Variants in PCDHA1 observed in about 807,000 individuals in gnomAD.
The protein encoded by PCDHA1 is protocadherin alpha 1.
PCDHA1 carries 42 observed loss-of-function variants against 61.3 expected under a neutral mutation model. The ratio of observed to expected loss-of-function variants is 0.69; its 90% confidence interval spans 0.54 to 0.89. PCDHA1 has a LOEUF of 0.89. Among genes scored for constraint, PCDHA1 ranks in the 40% least tolerant of loss-of-function variants. PCDHA1 has a pLI of 0.00. For synonymous variants in PCDHA1, 610 were observed against 553.8 expected (o/e 1.10, Z -1.43); for missense variants, 1,256 against 1,235.3 (o/e 1.02, Z -0.25).
intron 1 of PCDHA1, among the ~76,000 whole-genome samples, chr5:140,959,126 G>A (rs1417334893): frequency 6.6e-6 from 1 of 152,066 alleles, no homozygotes; most frequent in Non-Finnish European, 1.5e-5. Context: ...GGCGAGGTGA[G>A]CCCACTTTGG....
chr5:140,943,737 C>T (rs551964655), intron 1 of PCDHA1, among the ~76,000 whole-genome samples: 12 of 152,258 alleles, frequency 7.9e-5, no homozygotes, highest in African/African-American at 2.9e-4. Context: ...TGAAAGTCCA[C>T]AGTCTAAAAG....
chr5:140,894,819 G>T (rs974558361), intron 1 of PCDHA1, among the ~76,000 whole-genome samples: 6 of 151,474 alleles, frequency 4.0e-5, no homozygotes, highest in African/African-American at 1.2e-4. Context: ...TATCAGATTT[G>T]CCCATAATCC....
chr5:140,808,422 C>A (rs147309851), intron 1 of PCDHA1: 5 of 1,614,150 alleles, frequency 3.1e-6, no homozygotes, highest in Non-Finnish European at 4.2e-6. Context: ...CTGGACAGTG[C>A]CCTGGACCGC....
intron 1 of PCDHA1, chr5:140,849,719 G>A (rs1386986772): frequency 6.3e-7 from 1 of 1,598,560 alleles, no homozygotes; most frequent in Non-Finnish European, 8.6e-7. Flanking sequence ...ACTCGTTGGT[G>A]CTGGACAGAG....
chr5:140,799,666 T>C (rs1762463829), intron 1 of PCDHA1, among the ~76,000 whole-genome samples: 1 of 152,118 alleles, frequency 6.6e-6, no homozygotes, highest in Admixed American at 6.5e-5. Context: ...AAAACAACAA[T>C]TGATAATTTA....
chr5:140,983,022 A>G (rs2097023004), intron 3 of PCDHA1, among the ~76,000 whole-genome samples: 1 of 152,114 alleles, frequency 6.6e-6, no homozygotes, highest in Non-Finnish European at 1.5e-5. Flanking sequence ...GGAAGGAAGG[A>G]AGATGGTTTC....
In PCDHA1 at chr5:140,808,934, T is replaced by G. The variant is rs1554124895; in HGVS notation, c.2394+20250T>G. The G allele has an allele frequency of 1.9e-5, 31 of 1,613,672 alleles. No homozygotes were observed. The African/African-American group carries it at 2.5e-4, about 13-fold the overall frequency. On this transcript the variant is annotated intron_variant, in intron 1 of 3. Coordinates refer to ENST00000504120, the MANE Select transcript of PCDHA1 (RefSeq NM_018900.4). Reference sequence around the variant, plus strand: ...TGGCGCAGTGAGCGAGCTGGTGCCATGGTCGGTGGGTGTGGGCCACGTGGT... The same window carrying G: ...TGGCGCAGTGAGCGAGCTGGTGCCAGGGTCGGTGGGTGTGGGCCACGTGGT...
Position 140,851,002 on chromosome 5 carries a change from A to T in PCDHA1, c.2394+62318A>T. The stretch of plus-strand genomic sequence containing the variant: ...TTATTCATTTTTCTAGAAATCCAGC[A>T]GATTTTTTTTCTGATAAAGTAAACC... On this transcript the variant is annotated intron_variant, in intron 1 of 3. Coordinates refer to ENST00000504120, the MANE Select transcript of PCDHA1 (RefSeq NM_018900.4). 3 of 1,438,338 alleles carry T rather than the reference A, an allele frequency of 2.1e-6. No homozygotes were observed. In the East Asian group the frequency reaches 7.2e-5, roughly 35 times the overall value. 89.1% of individuals were successfully genotyped at this position (1,438,338 alleles called of 1,614,324 possible).
chr5:140,937,317 G>C (rs1282380622), intron 1 of PCDHA1, among the ~76,000 whole-genome samples: 1 of 152,048 alleles, frequency 6.6e-6, no homozygotes, highest in Non-Finnish European at 1.5e-5. Context: ...GATTACAGGC[G>C]TGAGCCACCG....
chr5:140,812,603 G>T (rs1554126021), intron 1 of PCDHA1: 2 of 151,592 alleles, frequency 1.3e-5, no homozygotes, highest in African/African-American at 4.9e-5. Context: ...TTTAGTGTAG[G>T]CATTTACAAC....
At chr5:140,843,295 G>T in intron 1 of PCDHA1, 1 of 1,595,950 alleles carries the variant, frequency 6.3e-7, no homozygotes, top group African/African-American at 1.3e-5. Flanking sequence ...GTGAACCTGC[G>T]CTGACCGCCA....
At position 141,009,895 on chromosome 5, in the gene PCDHA1, A is replaced by G; in HGVS notation, c.2811A>G (p.Lys937=). ...AGAAGGGTAACAAGACCCAGGAGAA[A>G]AAAGAGAAAGGGAACAGCACGACTG... ...KKKKGNKTQE[K]KEKGNSTTDN... The change falls in exon 4 of 4, where the codon AAA becomes AAG. Residue 937 remains lysine (K), a synonymous_variant. Coordinates refer to ENST00000504120, the MANE Select transcript of PCDHA1 (RefSeq NM_018900.4). 2 of 1,613,224 alleles carry G rather than the reference A, an allele frequency of 1.2e-6. No homozygotes were observed. Among genetic ancestry groups the G allele is most frequent in the Non-Finnish European group, 1.7e-6 (2 of 1,179,866 alleles).
chr5:140,928,709 C>T (rs1563108337), intron 1 of PCDHA1: 1 of 1,614,180 alleles, frequency 6.2e-7, no homozygotes, highest in Non-Finnish European at 8.5e-7. Context: ...GCGTCTGACT[C>T]TAGTCTCTTT....
At chr5:140,843,641 C>G (rs2150364392) in intron 1 of PCDHA1, 1 of 1,595,514 alleles carries the variant, frequency 6.3e-7, no homozygotes, top group Admixed American at 1.7e-5. Context: ...GGCCTTCAGC[C>G]CCTGCCTTCC....
At chr5:140,880,748 G>T (rs950550579) in intron 1 of PCDHA1, among the ~76,000 whole-genome samples, 10 of 152,220 alleles carry the variant, frequency 6.6e-5, no homozygotes, top group Non-Finnish European at 1.2e-4. Flanking sequence ...GATTGTCAGT[G>T]TAACTGCGTG....
rs2150168385 is a variant in PCDHA1 at position 140,829,460 on chromosome 5, C to T, written c.2394+40776C>T. On this transcript the variant is annotated intron_variant, in intron 1 of 3. Transcript: ENST00000504120. ...GAATGACAATGCTCCGGCGTTCGCG[C>T]AGCCCGAGTACACAGTGTTCGTGAA... 20 of 1,613,778 alleles carry T rather than the reference C, an allele frequency of 1.2e-5. No homozygotes were observed. The African/African-American group carries it at 2.5e-4, about 20-fold the overall frequency.
At position 140,877,496 on chromosome 5, in the gene PCDHA1, C is replaced by T. The variant is rs563591404; in HGVS notation, c.2394+88812C>T. On this transcript the variant is annotated intron_variant, in intron 1 of 3. Transcript: ENST00000504120. ...GTGTCGCTGGTGGAGAACGGCCAGG[C>T]CCCAAAGACGTCGTCGCGGGCCTCA... 24 of 1,613,862 alleles carry T rather than the reference C, an allele frequency of 1.5e-5. No individual in the cohort carries two copies. In the East Asian group the frequency reaches 4.9e-4, roughly 33 times the overall value.
At chr5:140,967,749 C>T (rs1554229896) in intron 1 of PCDHA1, 1 of 1,614,172 alleles carries the variant, frequency 6.2e-7, no homozygotes, top group African/African-American at 1.3e-5. Context: ...TATGAGGAAG[C>T]CTCCTCCTAC....
In PCDHA1 at chr5:140,869,551, T is replaced by A. The variant is rs570153514; in HGVS notation, c.2394+80867T>A. On this transcript the variant is annotated intron_variant, in intron 1 of 3. Coordinates refer to ENST00000504120, the MANE Select transcript of PCDHA1 (RefSeq NM_018900.4). ...GATTGCGGAATCTAAGCAATCGGAC[T>A]CGCGTTTTCCACTAGAGGGAGCTTC... 3.1e-6 allele frequency: 5 copies of A among 1,614,218 alleles called. No individual in the cohort carries two copies. The East Asian group carries it at 6.7e-5, about 22-fold the overall frequency.
Sources: allele counts gnomAD v4.1 joint callset (sites outside exome capture counted in the v4.1 genomes callset), GRCh38; gene constraint gnomAD v4.1.1; transcripts MANE v1.5; gene names NCBI Gene and HGNC (gene_info 2026-07-23, HGNC 2026-07-21).